Variants in NKAIN2 observed in about 807,000 individuals in gnomAD.
NKAIN2 encodes sodium/potassium transporting ATPase interacting 2.
Under a neutral mutation model 32.6 loss-of-function variants are expected in NKAIN2, and 14 were observed. The ratio of observed to expected loss-of-function variants is 0.43; its 90% CI spans 0.28 to 0.67. NKAIN2 has a LOEUF of 0.67. Ranked by LOEUF, NKAIN2 falls within the 30% of genes least tolerant of loss-of-function variation. NKAIN2 has a pLI of 0.17. For missense variants in NKAIN2, 198 were observed against 258.3 expected (o/e 0.77, Z 1.60); for synonymous variants, 80 against 87.2 (o/e 0.92, Z 0.46).
At chr6:124,334,924 T>G (rs1269943004) in intron 2 of NKAIN2, among the ~76,000 whole-genome samples, 1 of 152,210 alleles carries the variant, frequency 6.6e-6, no homozygotes, top group African/African-American at 2.4e-5. Flanking sequence ...AGAAGCAAGA[T>G]GGAGTCAGTT....
intron 1 of NKAIN2, among the ~76,000 whole-genome samples, chr6:123,872,247 A>T (rs1259466703): frequency 6.6e-6 from 1 of 152,252 alleles, no homozygotes; most frequent in Non-Finnish European, 1.5e-5. Context: ...GAAAATGAGA[A>T]AGTGGTCCTG....
At chr6:124,242,628 G>A (rs1793164854) in intron 1 of NKAIN2, among the ~76,000 whole-genome samples, 1 of 152,082 alleles carries the variant, frequency 6.6e-6, no homozygotes, top group Non-Finnish European at 1.5e-5. Flanking sequence ...CAATACCAAA[G>A]ACTTGGAACC....
chr6:124,746,477 A>T lies in NKAIN2; in HGVS notation c.475-44862A>T, dbSNP rs563604017. Among the ~76,000 whole-genome samples the T allele has an allele frequency of 4.6e-5, 7 of 152,028 alleles. No individual in the cohort carries two copies. The East Asian group carries it at 7.8e-4, about 17-fold the overall frequency. On this transcript the variant is annotated intron_variant, in intron 4 of 6. Coordinates refer to ENST00000368417, the MANE Select transcript of NKAIN2 (RefSeq NM_001040214.3). ...TATTGATATAGAATATTATTCAGTT[A>T]TTAAAATAATAGCAGGAGAAGTTTT...
At chr6:124,603,253 T>C (rs1782374457) in intron 3 of NKAIN2, among the ~76,000 whole-genome samples, 1 of 151,940 alleles carries the variant, frequency 6.6e-6, no homozygotes, top group Admixed American at 6.6e-5. Flanking sequence ...CTACTGAAAA[T>C]GATTCTGTAT....
intron 1 of NKAIN2, among the ~76,000 whole-genome samples, chr6:124,165,729 A>ATTG (rs1394666166): frequency 6.8e-6 from 1 of 146,716 alleles, no homozygotes; most frequent in Admixed American, 6.9e-5. Flanking sequence ...ATGTGTTCTC[A>ATTG]TTGTTCAATT....
At chr6:124,042,391 A>G (rs887140251) in intron 1 of NKAIN2, among the ~76,000 whole-genome samples, 2 of 152,088 alleles carry the variant, frequency 1.3e-5, no homozygotes, top group Non-Finnish European at 2.9e-5. Flanking sequence ...ACATGGCAAC[A>G]TAACCATATT....
chr6:124,719,346 A>AG (rs1048876186), intron 4 of NKAIN2, among the ~76,000 whole-genome samples: 8 of 152,090 alleles, frequency 5.3e-5, no homozygotes, highest in African/African-American at 1.9e-4. Flanking sequence ...AAGTCCCTAG[A>AG]GGGGGCAAAT....
At chr6:124,761,979 C>T (rs761780155) in intron 4 of NKAIN2, among the ~76,000 whole-genome samples, 9 of 152,126 alleles carry the variant, frequency 5.9e-5, no homozygotes, top group Non-Finnish European at 1.2e-4. Flanking sequence ...CCTAGTTTCT[C>T]TCACTCCCTG....
intron 1 of NKAIN2, among the ~76,000 whole-genome samples, chr6:123,851,197 T>C (rs1211151255): frequency 6.6e-6 from 1 of 151,804 alleles, no homozygotes; most frequent in Non-Finnish European, 1.5e-5. Context: ...TTCATTTCCT[T>C]TGGATATATA....
chr6:123,867,955 G>A (rs1369287046), intron 1 of NKAIN2, among the ~76,000 whole-genome samples: 2 of 147,106 alleles, frequency 1.4e-5, no homozygotes, highest in Admixed American at 7.0e-5. Flanking sequence ...TGCAAGCTCT[G>A]CCTCCCAGGT....
At chr6:124,116,057 A>C (rs1785593183) in intron 1 of NKAIN2, among the ~76,000 whole-genome samples, 1 of 152,090 alleles carries the variant, frequency 6.6e-6, no homozygotes, top group African/African-American at 2.4e-5. Context: ...CCTTCTCTGA[A>C]TAACTTTTCA....
At chr6:123,935,167 A>T (rs552122874) in intron 1 of NKAIN2, among the ~76,000 whole-genome samples, 2 of 147,736 alleles carry the variant, frequency 1.4e-5, no homozygotes, top group African/African-American at 2.5e-5. Context: ...ACATATATTT[A>T]AAAATAAATA....
intron 1 of NKAIN2, among the ~76,000 whole-genome samples, chr6:123,866,933 T>C (rs1478703934): frequency 6.6e-6 from 1 of 152,186 alleles, no homozygotes; most frequent in African/African-American, 2.4e-5. Context: ...CCTTCCCTCA[T>C]TCTAAAATTC....
At chr6:124,525,002 C>A (rs1193524343) in intron 3 of NKAIN2, among the ~76,000 whole-genome samples, 2 of 152,146 alleles carry the variant, frequency 1.3e-5, no homozygotes, top group Non-Finnish European at 1.5e-5. Flanking sequence ...CAATTTTCTA[C>A]ACTGGGAAGA....
intron 4 of NKAIN2, among the ~76,000 whole-genome samples, chr6:124,785,003 A>G (rs1293294507): frequency 6.6e-6 from 1 of 152,036 alleles, no homozygotes; most frequent in Non-Finnish European, 1.5e-5. Flanking sequence ...GTTTTCAGTC[A>G]TTATTTCTTT....
chr6:124,480,296 C>T (rs1206692550), intron 3 of NKAIN2, among the ~76,000 whole-genome samples: 3 of 152,264 alleles, frequency 2.0e-5, no homozygotes. Context: ...CAACTTACTA[C>T]TTAACAGCTC....
chr6:124,406,013 G>GGTGTGTGTGTGTGTGTGTGTGTGT (rs59361002), intron 3 of NKAIN2, among the ~76,000 whole-genome samples: 15,282 of 148,174 alleles, frequency 0.1, 935 homozygotes, highest in East Asian at 0.16. Flanking sequence ...TTACCACCAC[G>GGTGTGTGTGTGTGTGTGTGTGTGT]GTGTGTGTGT....
At chr6:124,344,057 C>T (rs1047799551) in intron 2 of NKAIN2, among the ~76,000 whole-genome samples, 3 of 152,178 alleles carry the variant, frequency 2.0e-5, no homozygotes, top group Admixed American at 6.6e-5. Flanking sequence ...TATGGCTAGC[C>T]AGTTTTCCCA....
At chr6:123,889,736 G>GCT (rs1412081785) in intron 1 of NKAIN2, among the ~76,000 whole-genome samples, 1 of 152,072 alleles carries the variant, frequency 6.6e-6, no homozygotes, top group Non-Finnish European at 1.5e-5. Flanking sequence ...TAAGCTTATA[G>GCT]CTACTCATGA....
Sources: gnomAD v4.1 joint callset for allele counts (sites outside exome capture counted in the v4.1 genomes callset) on GRCh38, gnomAD v4.1.1 for gene constraint, MANE v1.5 for transcripts, NCBI Gene and HGNC (gene_info 2026-07-23, HGNC 2026-07-21) for gene names.